The following NAV3 variants were observed in gnomAD, a reference collection of about 807,000 sequenced individuals.
NAV3 encodes neuron navigator 3.
NAV3 carries 87 observed loss-of-function variants against 244.7 expected under a neutral mutation model. That is an observed-to-expected ratio of 0.36 (90% CI 0.30 to 0.42). The LOEUF is 0.42. Ranked by LOEUF, NAV3 falls within the 20% of genes least tolerant of loss-of-function variation. The pLI is 1.00. For missense variants in NAV3, 2,663 were observed against 2,893.3 expected (o/e 0.92, Z 1.83); for synonymous variants, 1,126 against 1,042.2 (o/e 1.08, Z -1.55).
intron 38 of NAV3, among the ~76,000 whole-genome samples, chr12:78,203,586 A>G (rs1425311593): frequency 1.3e-5 from 2 of 152,142 alleles, no homozygotes; most frequent in African/African-American, 2.4e-5. Context: ...AAGGCAGTCC[A>G]TGAAGTTTTT....
rs370401440 is a variant in NAV3, at chr12:77,670,598, T to C, written c.72+98332T>C. On this transcript the variant is annotated intron_variant, in intron 2 of 8. Coordinates refer to the NAV3 transcript ENST00000550042. ...AAAAGGATAATCCACCATGATCAAC[T>C]GGGTTTCATACTAGGGATGCAGGGA... is the stretch of plus-strand genomic sequence containing the variant. 3.9e-5 allele frequency among the ~76,000 whole-genome samples: 6 copies of C among 152,280 alleles called. No homozygotes were observed. In the East Asian group the frequency reaches 1.2e-3, roughly 29 times the overall value.
chr12:77,960,705 A>G (rs1173584380), intron 3 of NAV3, among the ~76,000 whole-genome samples: 1 of 147,662 alleles, frequency 6.8e-6, no homozygotes, highest in East Asian at 2.0e-4. Context: ...ATTAAAGTAT[A>G]TGCTATATAT....
At chr12:77,939,397 C>T (rs1015086697) in intron 1 of NAV3, among the ~76,000 whole-genome samples, 6 of 152,166 alleles carry the variant, frequency 3.9e-5, no homozygotes, top group African/African-American at 7.2e-5. Context: ...TTTTAACAAG[C>T]GTATTTCTTA....
chr12:77,666,856 T>C (rs1380661674), intron 2 of NAV3, among the ~76,000 whole-genome samples: 1 of 152,180 alleles, frequency 6.6e-6, no homozygotes, highest in African/African-American at 2.4e-5. Context: ...GGCTTTCTTT[T>C]GGAAGTAGAT....
At chr12:77,797,102 G>C (rs894048253) in intron 2 of NAV3, among the ~76,000 whole-genome samples, 2 of 152,146 alleles carry the variant, frequency 1.3e-5, no homozygotes, top group Non-Finnish European at 1.5e-5. Context: ...TGAGAATGGA[G>C]ATAATGGGTG....
rs548386941 is a variant in NAV3, at chr12:77,767,333, C to T, written c.73-172986C>T. On this transcript the variant is annotated intron_variant, in intron 2 of 8. Coordinates refer to the NAV3 transcript ENST00000550042. Reference sequence around the variant, plus strand: ...TGATGTCATAGGATCCTTAGGGTGTCGCTTTTCCAGCTGGAAACCTCTGTG... The same window carrying T: ...TGATGTCATAGGATCCTTAGGGTGTTGCTTTTCCAGCTGGAAACCTCTGTG... Among the ~76,000 whole-genome samples, 125 of 152,276 alleles carry T rather than the reference C, an allele frequency of 8.2e-4. No individual in the cohort carries two copies. In the Middle Eastern group the frequency reaches 0.017, roughly 21 times the overall value.
chr12:78,049,888 A>C (rs575497512), intron 9 of NAV3, 105 bp from the exon 10 acceptor site: 6 of 667,206 alleles, frequency 9.0e-6, no homozygotes, highest in Non-Finnish European at 1.3e-5. Flanking sequence ...AATGTATTAC[A>C]TATCCTTTTA....
At chr12:77,858,766 T>C (rs979629761) in intron 1 of NAV3, among the ~76,000 whole-genome samples, 3 of 152,050 alleles carry the variant, frequency 2.0e-5, no homozygotes, top group Admixed American at 6.6e-5. Flanking sequence ...GCATCCACAA[T>C]GTAAAGTACA....
intron 1 of NAV3, among the ~76,000 whole-genome samples, chr12:77,854,548 G>A (rs1878053017): frequency 6.6e-6 from 1 of 151,578 alleles, no homozygotes; most frequent in African/African-American, 2.4e-5. Flanking sequence ...AGGAAATAAA[G>A]CTATGTAATC....
At chr12:77,748,537 A>G (rs1320410693) in intron 2 of NAV3, among the ~76,000 whole-genome samples, 1 of 152,236 alleles carries the variant, frequency 6.6e-6, no homozygotes, top group Non-Finnish European at 1.5e-5. Context: ...GTGGACATGT[A>G]TACAATGGAA....
intron 2 of NAV3, among the ~76,000 whole-genome samples, chr12:77,722,329 A>T (rs1440093818): frequency 2.0e-5 from 3 of 152,056 alleles, no homozygotes; most frequent in Non-Finnish European, 4.4e-5. Context: ...GGTTTTCTAT[A>T]ATTAATATAC....
intron 2 of NAV3, among the ~76,000 whole-genome samples, chr12:77,805,952 G>T (rs147427742): frequency 1.9e-4 from 29 of 152,126 alleles, no homozygotes; most frequent in Admixed American, 6.5e-5. Flanking sequence ...GTTTATTTGT[G>T]TAGAGGTTTT....
intron 3 of NAV3, among the ~76,000 whole-genome samples, chr12:77,952,077 A>G (rs1041559277): frequency 5.6e-4 from 85 of 151,834 alleles, no homozygotes; most frequent in African/African-American, 1.9e-3. Context: ...TTAAAAAAAA[A>G]AAAAAAACAG....
intron 1 of NAV3, among the ~76,000 whole-genome samples, chr12:77,915,280 G>C (rs1565917277): frequency 6.6e-6 from 1 of 152,008 alleles, no homozygotes; most frequent in Non-Finnish European, 1.5e-5. Flanking sequence ...TGCTATGCAA[G>C]AGAATGCATC....
intron 2 of NAV3, among the ~76,000 whole-genome samples, chr12:77,696,117 C>T (rs1010963785): frequency 6.6e-6 from 1 of 152,152 alleles, no homozygotes; most frequent in African/African-American, 2.4e-5. Flanking sequence ...CCCCAAACTA[C>T]ATGTGGCAAG....
At chr12:77,778,868 A>C (rs985885409) in intron 2 of NAV3, among the ~76,000 whole-genome samples, 1 of 152,238 alleles carries the variant, frequency 6.6e-6, no homozygotes, top group African/African-American at 2.4e-5. Context: ...TCTTTGGGAC[A>C]AAAAGAAGCT....
At chr12:78,117,765 T>C (rs1161520074) in intron 13 of NAV3, among the ~76,000 whole-genome samples, 2 of 152,096 alleles carry the variant, frequency 1.3e-5, no homozygotes, top group Non-Finnish European at 2.9e-5. Context: ...TAGCTTGTCT[T>C]ACTACTTCTT....
intron 2 of NAV3, among the ~76,000 whole-genome samples, chr12:77,673,401 A>G (rs967681870): frequency 3.9e-5 from 6 of 152,142 alleles, no homozygotes; most frequent in African/African-American, 1.4e-4. Flanking sequence ...CACTGAAAGG[A>G]GAAACATTAA....
chr12:77,627,424 A>G (rs2136901888), intron 2 of NAV3, among the ~76,000 whole-genome samples: 1 of 152,288 alleles, frequency 6.6e-6, no homozygotes, highest in East Asian at 1.9e-4. Flanking sequence ...ATGTAAAAGG[A>G]CGTATTACAA....
Sources: allele counts gnomAD v4.1 joint callset (sites outside exome capture counted in the v4.1 genomes callset), GRCh38; gene constraint gnomAD v4.1.1; transcripts MANE v1.5; gene names NCBI Gene and HGNC (gene_info 2026-07-23, HGNC 2026-07-21).